Variants in PTPRT observed in about 807,000 individuals in gnomAD.
PTPRT encodes receptor-type tyrosine-protein phosphatase T.
A neutral mutation model predicts 176.8 loss-of-function variants in PTPRT; 56 were observed. That is an observed-to-expected ratio of 0.32 (90% confidence interval 0.26 to 0.40). PTPRT has a LOEUF of 0.40. Among genes scored for constraint, PTPRT ranks in the 10% least tolerant of loss-of-function variants. The pLI, the probability that PTPRT is intolerant of heterozygous loss-of-function variation, is 1.00. For missense variants in PTPRT, 1,540 were observed against 1,908.2 expected (o/e 0.81, Z 3.60); for synonymous variants, 783 against 739.0 (o/e 1.06, Z -0.96).
intron 19 of PTPRT, among the ~76,000 whole-genome samples, chr20:42,127,095 G>T (rs1230172547): frequency 1.3e-5 from 2 of 152,248 alleles, no homozygotes; most frequent in African/African-American, 4.8e-5. Flanking sequence ...GAGCCAAGAT[G>T]CCAAACAGAG....
At chr20:43,063,989 T>A (rs1382955958) in intron 1 of PTPRT, among the ~76,000 whole-genome samples, 1 of 152,070 alleles carries the variant, frequency 6.6e-6, no homozygotes, top group Non-Finnish European at 1.5e-5. Flanking sequence ...TGACTTTCCT[T>A]ATATTTACCC....
chr20:42,359,444 C>T (rs1245941283), intron 9 of PTPRT, among the ~76,000 whole-genome samples: 1 of 152,150 alleles, frequency 6.6e-6, no homozygotes, highest in Non-Finnish European at 1.5e-5. Context: ...ACCTGAGCCT[C>T]CTAAGGCTGA....
At chr20:42,622,407 A>C (rs2074216100) in intron 7 of PTPRT, among the ~76,000 whole-genome samples, 1 of 151,984 alleles carries the variant, frequency 6.6e-6, no homozygotes, top group Non-Finnish European at 1.5e-5. Flanking sequence ...ATGCCGGCTA[A>C]TTTTTTGTAT....
rs180785754 is a variant in PTPRT, at chr20:42,395,921, C to A, written c.1561-43636G>T. On this transcript the variant is annotated intron_variant, in intron 9 of 30. Coordinates refer to ENST00000373187, the MANE Select transcript of PTPRT (RefSeq NM_007050.6). ...GGGTCCCAAAGCTTAGCACTAGAATCTCCCTATTCTACCTACACTGAGACC... is the reference window on the plus strand; with the variant it reads ...GGGTCCCAAAGCTTAGCACTAGAATATCCCTATTCTACCTACACTGAGACC... Among the ~76,000 whole-genome samples the A allele has an allele frequency of 7.2e-4, 110 of 152,270 alleles. No homozygotes were observed. In the Middle Eastern group the frequency reaches 0.017, roughly 24 times the overall value.
chr20:43,041,122 G>A (rs754050758), intron 1 of PTPRT, among the ~76,000 whole-genome samples: 5 of 152,132 alleles, frequency 3.3e-5, no homozygotes, highest in Non-Finnish European at 5.9e-5. Flanking sequence ...GTTTGAGACC[G>A]TCTCCAATCA....
At chr20:42,353,016 G>A (rs990490581) in intron 9 of PTPRT, among the ~76,000 whole-genome samples, 2 of 152,114 alleles carry the variant, frequency 1.3e-5, no homozygotes, top group African/African-American at 4.8e-5. Flanking sequence ...ATTTCAATCT[G>A]TAGACAACAT....
chr20:42,368,224 G>A (rs1028996503), intron 9 of PTPRT, among the ~76,000 whole-genome samples: 1 of 152,204 alleles, frequency 6.6e-6, no homozygotes, highest in Non-Finnish European at 1.5e-5. Flanking sequence ...TATGCCCTGG[G>A]CAGGAAAAAT....
chr20:43,099,451 T>G (rs1282804750), intron 1 of PTPRT, among the ~76,000 whole-genome samples: 1 of 152,170 alleles, frequency 6.6e-6, no homozygotes, highest in Middle Eastern at 3.2e-3. Context: ...TCTGGGCTAA[T>G]GCTCTTCAAG....
intron 7 of PTPRT, among the ~76,000 whole-genome samples, chr20:42,572,561 G>A (rs995388574): frequency 2.6e-5 from 4 of 152,056 alleles, no homozygotes; most frequent in African/African-American, 7.2e-5. Context: ...TTGTCCTTTC[G>A]AGCCCATATA....
chr20:42,846,706 G>A (rs1260593153), intron 2 of PTPRT, among the ~76,000 whole-genome samples: 1 of 152,210 alleles, frequency 6.6e-6, no homozygotes, highest in East Asian at 1.9e-4. Context: ...CCCCTCAGGA[G>A]CTCTGGTTTC....
chr20:43,160,527 A>T (rs2014663941), intron 1 of PTPRT, among the ~76,000 whole-genome samples: 1 of 152,160 alleles, frequency 6.6e-6, no homozygotes, highest in Non-Finnish European at 1.5e-5. Context: ...CAGCCCCAAC[A>T]CAAACATGAT....
chr20:43,188,345 G>T (rs2015447213), intron 1 of PTPRT, among the ~76,000 whole-genome samples: 1 of 152,100 alleles, frequency 6.6e-6, no homozygotes, highest in Admixed American at 6.5e-5. Flanking sequence ...CCCAGCCAGG[G>T]AAACAGGCTG....
At chr20:43,118,487 G>A (rs1487568869) in intron 1 of PTPRT, among the ~76,000 whole-genome samples, 2 of 152,116 alleles carry the variant, frequency 1.3e-5, no homozygotes, top group African/African-American at 4.8e-5. Context: ...ACCCAGGCTG[G>A]AGTGTACAGT....
In PTPRT at chr20:42,214,931, C is replaced by G. The variant is rs2146758164; in HGVS notation, c.2343-15543G>C. Among the ~76,000 whole-genome samples, 2 of 152,348 alleles carry G rather than the reference C, an allele frequency of 1.3e-5. 1 individual carries two copies. The highest frequency in any genetic ancestry group is 2.9e-5 in the Non-Finnish European group (2 of 68,040). ...GTATAGTCTTGGGCAATTGCTAAAC[C>G]TCCCTATAACTCAGTTTTCTCTTCT... On this transcript the variant is annotated intron_variant, in intron 15 of 30. Coordinates refer to ENST00000373187, the MANE Select transcript of PTPRT (RefSeq NM_007050.6).
At chr20:42,061,884 T>C in the PTPRT span, among the ~76,000 whole-genome samples, 1 of 152,320 alleles carries the variant, frequency 6.6e-6, no homozygotes, top group South Asian at 2.1e-4. Context: ...GCAGGCCTGA[T>C]GCAAAAAACT....
intron 1 of PTPRT, among the ~76,000 whole-genome samples, chr20:43,093,857 C>G (rs1161064087): frequency 1.3e-5 from 2 of 152,130 alleles, no homozygotes; most frequent in Non-Finnish European, 2.9e-5. Context: ...TGTCTGGGCC[C>G]CTGTGCTGAC....
chr20:42,804,620 A>G (rs1012425442), intron 2 of PTPRT, among the ~76,000 whole-genome samples: 1 of 152,224 alleles, frequency 6.6e-6, no homozygotes, highest in Non-Finnish European at 1.5e-5. Flanking sequence ...AAACAACAGA[A>G]GTTGATCGTC....
At chr20:42,299,641 CTT>C (rs34045854) in intron 12 of PTPRT, among the ~76,000 whole-genome samples, 2 of 85,994 alleles carry the variant, frequency 2.3e-5, no homozygotes, top group East Asian at 3.9e-4. Flanking sequence ...GAACTTTTGC[CTT>C]TTTTTTTTTT....
chr20:43,184,295 C>A (rs1265738842), intron 1 of PTPRT, among the ~76,000 whole-genome samples: 1 of 152,180 alleles, frequency 6.6e-6, no homozygotes, highest in Non-Finnish European at 1.5e-5. Flanking sequence ...AGGTGACTTA[C>A]CAGTCTGAAG....
Sources: gnomAD v4.1 joint callset for allele counts (sites outside exome capture counted in the v4.1 genomes callset) on GRCh38, gnomAD v4.1.1 for gene constraint, MANE v1.5 for transcripts, NCBI Gene and HGNC (gene_info 2026-07-23, HGNC 2026-07-21) for gene names.